Variants in PDE4B observed in about 807,000 individuals in gnomAD.
The protein encoded by PDE4B is 3',5'-cyclic-AMP phosphodiesterase 4B.
A neutral mutation model predicts 82.2 loss-of-function variants in PDE4B; 20 were observed. The observed-to-expected ratio is 0.24, with a 90% CI of 0.17 to 0.35. The LOEUF (loss-of-function observed/expected upper bound fraction) is 0.35, where lower values mean the gene tolerates loss of function less well. Ranked by LOEUF, PDE4B falls within the 10% of genes least tolerant of loss-of-function variation. The pLI, the probability that PDE4B is intolerant of heterozygous loss-of-function variation, is 1.00. For synonymous variants in PDE4B, 320 were observed against 318.9 expected (o/e 1.00, Z -0.04); for missense variants, 655 against 907.2 (o/e 0.72, Z 3.57).
At chr1:66,075,447 T>A (rs114512268) in intron 3 of PDE4B, among the ~76,000 whole-genome samples, 2 of 152,130 alleles carry the variant, frequency 1.3e-5, no homozygotes, top group Non-Finnish European at 2.9e-5. Context: ...CCAGGTTTTA[T>A]AGTTACTGGT....
At position 65,918,705 on chromosome 1, in the gene PDE4B, C is replaced by G. The variant is rs1000537151; in HGVS notation, c.151C>G (p.Gln51Glu). 3.1e-6 allele frequency: 5 copies of G among 1,612,450 alleles called. No homozygotes were observed. The highest frequency in any genetic ancestry group is 4.2e-6 in the Non-Finnish European group (5 of 1,178,436). Reference protein sequence around the residue: ...RGRRCCSGNLQLPPLSQRQSE... With the variant: ...RGRRCCSGNLELPPLSQRQSE... Reference sequence around the variant, plus strand: ...GAGAAGGTGTTGCTCAGGAAACTTACAGTTACCACCACTGTCTCAAAGACA... The same window carrying G: ...GAGAAGGTGTTGCTCAGGAAACTTAGAGTTACCACCACTGTCTCAAAGACA... The change falls in exon 3 of 17, where the codon CAG becomes GAG. Residue 51 changes from glutamine (Q) to glutamate (E), a missense_variant. Coordinates refer to ENST00000341517, the MANE Select transcript of PDE4B (RefSeq NM_002600.4).
intron 1 of PDE4B, among the ~76,000 whole-genome samples, chr1:65,874,446 A>G (rs533522937): frequency 6.6e-6 from 1 of 152,170 alleles, no homozygotes; most frequent in South Asian, 2.1e-4. Context: ...CAGAACTTCC[A>G]ACACTATGTT....
intron 3 of PDE4B, among the ~76,000 whole-genome samples, chr1:65,945,114 G>A (rs914493699): frequency 3.3e-5 from 5 of 151,972 alleles, no homozygotes; most frequent in Non-Finnish European, 7.4e-5. Flanking sequence ...CTCCTATTTG[G>A]ACTGTAGAAC....
At chr1:65,928,884 A>G (rs1474156403) in intron 3 of PDE4B, among the ~76,000 whole-genome samples, 1 of 152,218 alleles carries the variant, frequency 6.6e-6, no homozygotes, top group Admixed American at 6.5e-5. Context: ...TTAACTCACC[A>G]AGCTGCAACA....
At chr1:65,951,059 C>T (rs1320594912) in intron 3 of PDE4B, among the ~76,000 whole-genome samples, 7 of 152,008 alleles carry the variant, frequency 4.6e-5, no homozygotes, top group African/African-American at 7.2e-5. Context: ...AACAAGGGAC[C>T]GTCACGCAAA....
intron 3 of PDE4B, among the ~76,000 whole-genome samples, chr1:66,027,063 A>ACC (rs1405892504): frequency 6.6e-6 from 1 of 152,210 alleles, no homozygotes; most frequent in African/African-American, 2.4e-5. Flanking sequence ...GTTAGCTTTA[A>ACC]TGTATTTTAC....
At chr1:65,997,823 A>G (rs367687700) in intron 3 of PDE4B, among the ~76,000 whole-genome samples, 1 of 152,192 alleles carries the variant, frequency 6.6e-6, no homozygotes, top group Non-Finnish European at 1.5e-5. Flanking sequence ...TAATTAACCA[A>G]TGGTGTGGGA....
intron 1 of PDE4B, among the ~76,000 whole-genome samples, chr1:65,842,364 C>T (rs1646217244): frequency 6.6e-6 from 1 of 152,030 alleles, no homozygotes; most frequent in Non-Finnish European, 1.5e-5. Flanking sequence ...AGAAGCGGCA[C>T]TCTAAGGTGA....
At chr1:65,892,855 A>G (rs1646867456) in intron 1 of PDE4B, among the ~76,000 whole-genome samples, 2 of 152,104 alleles carry the variant, frequency 1.3e-5, no homozygotes, top group Non-Finnish European at 2.9e-5. Flanking sequence ...CCATTAATAA[A>G]TTATCTACAT....
chr1:66,109,537 T>C (rs1645439549), intron 3 of PDE4B, among the ~76,000 whole-genome samples: 1 of 151,864 alleles, frequency 6.6e-6, no homozygotes, highest in Non-Finnish European at 1.5e-5. Flanking sequence ...AACTGCATAG[T>C]ATTAGTTTAA....
chr1:65,957,632 AT>A (rs1649327624), intron 3 of PDE4B, among the ~76,000 whole-genome samples: 1 of 152,024 alleles, frequency 6.6e-6, no homozygotes. Flanking sequence ...ATTTCTGGAA[AT>A]TGGCATTTTT....
chr1:66,045,645 C>T (rs1208181631), intron 3 of PDE4B, among the ~76,000 whole-genome samples: 1 of 151,590 alleles, frequency 6.6e-6, no homozygotes, highest in Non-Finnish European at 1.5e-5. Context: ...ATGCTCATCC[C>T]CCAAGATGCC....
intron 3 of PDE4B, among the ~76,000 whole-genome samples, chr1:65,927,523 TAA>T (rs1010145498): frequency 1.4e-5 from 2 of 147,716 alleles, no homozygotes; most frequent in Admixed American, 6.8e-5. Context: ...TAAATATATA[TAA>T]TATATATTAT....
At chr1:66,065,542 G>A (rs766628684) in intron 3 of PDE4B, among the ~76,000 whole-genome samples, 2 of 151,636 alleles carry the variant, frequency 1.3e-5, no homozygotes, top group African/African-American at 2.4e-5. Flanking sequence ...TTTTCAATAA[G>A]TCTGTTTATG....
At chr1:65,929,328 T>C (rs1647699167) in intron 3 of PDE4B, among the ~76,000 whole-genome samples, 1 of 152,166 alleles carries the variant, frequency 6.6e-6, no homozygotes, top group Non-Finnish European at 1.5e-5. Flanking sequence ...AAGCTGTTCC[T>C]TCTGGCAAAA....
chr1:66,123,074 G>C (rs1207033385), intron 3 of PDE4B, among the ~76,000 whole-genome samples: 1 of 151,732 alleles, frequency 6.6e-6, no homozygotes, highest in East Asian at 1.9e-4. Context: ...CCTTTATTGG[G>C]TGCTTCCAGT....
At chr1:66,291,327 A>T (rs1657062660) in intron 7 of PDE4B, among the ~76,000 whole-genome samples, 1 of 152,164 alleles carries the variant, frequency 6.6e-6, no homozygotes, top group Non-Finnish European at 1.5e-5. Flanking sequence ...AGTGGAATCC[A>T]GGCAGTCTGA....
chr1:66,114,185 G>T (rs1003945524), intron 3 of PDE4B, among the ~76,000 whole-genome samples: 3 of 152,106 alleles, frequency 2.0e-5, no homozygotes, highest in Non-Finnish European at 4.4e-5. Flanking sequence ...GAACCAGAAA[G>T]CAGGCCCTCA....
At chr1:65,968,105 T>C (rs1192332561) in intron 3 of PDE4B, among the ~76,000 whole-genome samples, 1 of 152,128 alleles carries the variant, frequency 6.6e-6, no homozygotes, top group Non-Finnish European at 1.5e-5. Flanking sequence ...ATACATAGAA[T>C]GACATAATAG....
Sources: allele counts gnomAD v4.1 joint callset (sites outside exome capture counted in the v4.1 genomes callset), GRCh38; gene constraint gnomAD v4.1.1; transcripts MANE v1.5; gene names NCBI Gene and HGNC (gene_info 2026-07-23, HGNC 2026-07-21).